Variants in VTI1A observed in about 807,000 individuals in gnomAD.
VTI1A encodes the protein vesicle transport through interaction with t-SNAREs homolog 1A.
VTI1A carries 22 observed loss-of-function variants against 34.9 expected under a neutral mutation model. That is an observed-to-expected ratio of 0.63 (90% CI 0.45 to 0.90). The LOEUF is 0.90. Among genes scored for constraint, VTI1A ranks in the 40% least tolerant of loss-of-function variants. VTI1A has a pLI of 0.00. For synonymous variants in VTI1A, 87 were observed against 97.3 expected (o/e 0.89, Z 0.62); for missense variants, 268 against 275.6 (o/e 0.97, Z 0.20).
intron 5 of VTI1A, among the ~76,000 whole-genome samples, chr10:112,556,684 C>T (rs1851555178): frequency 6.6e-6 from 1 of 151,932 alleles, no homozygotes; most frequent in Non-Finnish European, 1.5e-5. Flanking sequence ...ATATCTTATC[C>T]TAATTTGTGG....
the VTI1A span, chr10:112,824,160 C>G: frequency 6.6e-6 from 1 of 152,422 alleles, no homozygotes; most frequent in Admixed American, 6.5e-5. Flanking sequence ...TTCGCCCCCT[C>G]AGGCTCAGAA....
intron 4 of VTI1A, among the ~76,000 whole-genome samples, chr10:112,536,306 A>G (rs1437032770): frequency 6.6e-6 from 1 of 152,170 alleles, no homozygotes; most frequent in African/African-American, 2.4e-5. Context: ...CTTTTTAGAG[A>G]ATCACCAGTT....
intron 5 of VTI1A, among the ~76,000 whole-genome samples, chr10:112,620,175 C>T (rs2134562070): frequency 6.6e-6 from 1 of 152,242 alleles, no homozygotes; most frequent in East Asian, 1.9e-4. Flanking sequence ...GTAGAATTTG[C>T]ATCTTATTGT....
At chr10:112,531,108 C>CGCGCGG (rs1214086728) in intron 4 of VTI1A, among the ~76,000 whole-genome samples, 4 of 138,636 alleles carry the variant, frequency 2.9e-5, no homozygotes, top group South Asian at 2.5e-4. Context: ...CACACACGTG[C>CGCGCGG]GCACGTGCGC....
rs149097889 is a variant in VTI1A, at chr10:112,683,076, T to C, written c.560+14078T>C. ...GGATTTCCACAGAGCATGCAATCTA[T>C]GATAAGTGATGAGAATTCTTGAAGC... On this transcript the variant is annotated intron_variant, in intron 7 of 7. Coordinates refer to ENST00000393077, the MANE Select transcript of VTI1A (RefSeq NM_145206.4). Among the ~76,000 whole-genome samples, 152 of 152,366 alleles carry C rather than the reference T, an allele frequency of 1.0e-3. 1 individual carries two copies. Among genetic ancestry groups the C allele is most frequent in the African/African-American group, 3.6e-3 (148 of 41,590 alleles).
At chr10:112,529,703 G>A (rs1045814429) in intron 4 of VTI1A, among the ~76,000 whole-genome samples, 1 of 151,930 alleles carries the variant, frequency 6.6e-6, no homozygotes, top group African/African-American at 2.4e-5. Context: ...GATAAAAATA[G>A]CAATATTCAT....
intron 5 of VTI1A, among the ~76,000 whole-genome samples, chr10:112,544,562 G>A (rs1048045770): frequency 4.0e-5 from 6 of 151,764 alleles, no homozygotes; most frequent in Non-Finnish European, 7.4e-5. Flanking sequence ...TAAACGACGC[G>A]AGGTATTCAA....
intron 5 of VTI1A, among the ~76,000 whole-genome samples, chr10:112,604,079 G>C (rs1490211127): frequency 6.6e-6 from 1 of 152,106 alleles, no homozygotes; most frequent in Non-Finnish European, 1.5e-5. Flanking sequence ...TTAACACAGG[G>C]TGGGGATACG....
chr10:112,675,043 G>C (rs2133848409), intron 7 of VTI1A, among the ~76,000 whole-genome samples: 1 of 152,182 alleles, frequency 6.6e-6, no homozygotes, highest in East Asian at 1.9e-4. Context: ...ATAAATACTT[G>C]TAAGTATTAA....
intron 5 of VTI1A, among the ~76,000 whole-genome samples, chr10:112,567,701 T>G (rs150609956): frequency 3.7e-4 from 57 of 152,352 alleles, no homozygotes; most frequent in African/African-American, 1.3e-3. Context: ...GTCTGTTATT[T>G]GTAGAATAAC....
At chr10:112,823,989 T>C in the VTI1A span, 1 of 152,256 alleles carries the variant, frequency 6.6e-6, no homozygotes, top group African/African-American at 2.4e-5. Flanking sequence ...AGCAAATTGG[T>C]AACAGGTCCA....
intron 7 of VTI1A, among the ~76,000 whole-genome samples, chr10:112,731,720 ACTT>A (rs931206003): frequency 7.2e-5 from 11 of 152,146 alleles, no homozygotes; most frequent in Admixed American, 4.6e-4. Context: ...TTAATTAATG[ACTT>A]CTATTTGCCT....
intron 7 of VTI1A, among the ~76,000 whole-genome samples, chr10:112,697,022 A>G (rs990182423): frequency 6.6e-6 from 1 of 152,142 alleles, no homozygotes; most frequent in East Asian, 1.9e-4. Flanking sequence ...TTTTTTTTCT[A>G]ATGATGTATC....
At chr10:112,447,583 G>C in intron 1 of VTI1A, 116 bp downstream of exon 1, 1 of 1,212,566 alleles carries the variant, frequency 8.2e-7, no homozygotes, top group East Asian at 2.6e-5. Context: ...GGGTGGTGCC[G>C]GCTGTTCCCA....
chr10:112,688,133 T>C (rs571285944), intron 7 of VTI1A, among the ~76,000 whole-genome samples: 1 of 151,840 alleles, frequency 6.6e-6, no homozygotes, highest in African/African-American at 2.4e-5. Context: ...TTTGTATTTT[T>C]AGTAGAGACA....
At chr10:112,641,107 G>A (rs2134667941) in intron 5 of VTI1A, among the ~76,000 whole-genome samples, 1 of 151,060 alleles carries the variant, frequency 6.6e-6, no homozygotes, top group Admixed American at 6.6e-5. Flanking sequence ...GAGAGGGGGT[G>A]TAGTTGGGGG....
intron 5 of VTI1A, among the ~76,000 whole-genome samples, chr10:112,611,963 G>A (rs1845332539): frequency 6.6e-6 from 1 of 151,890 alleles, no homozygotes; most frequent in African/African-American, 2.4e-5. Context: ...GGATGGTCTT[G>A]ATCTCCTGAC....
intron 7 of VTI1A, among the ~76,000 whole-genome samples, chr10:112,804,449 C>G (rs1040361900): frequency 2.0e-5 from 3 of 152,232 alleles, no homozygotes; most frequent in Non-Finnish European, 2.9e-5. Flanking sequence ...CAGCTGCACA[C>G]ATGTAAAGAG....
chr10:112,783,806 G>A (rs968099992), intron 7 of VTI1A, among the ~76,000 whole-genome samples: 1 of 152,218 alleles, frequency 6.6e-6, no homozygotes, highest in Non-Finnish European at 1.5e-5. Flanking sequence ...CCTGGGTGCT[G>A]AGCCGATTCC....
Sources: gnomAD v4.1 joint callset for allele counts (sites outside exome capture counted in the v4.1 genomes callset) on GRCh38, gnomAD v4.1.1 for gene constraint, MANE v1.5 for transcripts, NCBI Gene and HGNC (gene_info 2026-07-23, HGNC 2026-07-21) for gene names.